The following SLC25A26 variants were observed in gnomAD, a reference collection of about 807,000 sequenced individuals.
SLC25A26 encodes the protein solute carrier family 25 member 26, also known as mitochondrial S-adenosylmethionine carrier protein.
A neutral mutation model predicts 37.8 loss-of-function variants in SLC25A26; 36 were observed. The observed-to-expected ratio is 0.95, with a 90% CI of 0.73 to 1.26. The LOEUF (loss-of-function observed/expected upper bound fraction) is 1.26. SLC25A26 is among the 50% of genes most tolerant of loss of function. SLC25A26 has a pLI of 0.00. For missense variants in SLC25A26, 390 were observed against 331.1 expected, an observed-to-expected ratio of 1.18 and a Z score of -1.38; for synonymous variants, 129 against 122.5, an observed-to-expected ratio of 1.05 and a Z score of -0.35.
chr3:66,251,520 TC>T (rs2073083397), intron 3 of SLC25A26, among the ~76,000 whole-genome samples: 1 of 152,156 alleles, frequency 6.6e-6, no homozygotes, highest in Non-Finnish European at 1.5e-5. Context: ...GCATGCCCCA[TC>T]TTGCCAGTGG....
intron 5 of SLC25A26, among the ~76,000 whole-genome samples, chr3:66,294,860 C>T (rs1162251032): frequency 2.0e-5 from 3 of 152,150 alleles, no homozygotes; most frequent in African/African-American, 7.2e-5. Flanking sequence ...AGTTTGTGGA[C>T]AGTAAAGAAT....
chr3:66,315,583 G>T (rs1311726068), intron 5 of SLC25A26, among the ~76,000 whole-genome samples: 9 of 152,176 alleles, frequency 5.9e-5, no homozygotes, highest in Admixed American at 5.9e-4. Context: ...CGAGAAGAAT[G>T]CATATTCTGT....
intron 2 of SLC25A26, among the ~76,000 whole-genome samples, chr3:66,239,820 T>C (rs370403747): frequency 0.03 from 3,939 of 130,156 alleles, 140 homozygotes; most frequent in African/African-American, 0.096. Context: ...TTCTTTCTTT[T>C]TTTTTTTTTT....
At chr3:66,167,863 A>C (rs1303434054) in intron 1 of SLC25A26, among the ~76,000 whole-genome samples, 1 of 152,072 alleles carries the variant, frequency 6.6e-6, no homozygotes, top group African/African-American at 2.4e-5. Context: ...AAAAATATAT[A>C]GCTACTCTGG....
At position 66,299,813 on chromosome 3, in the gene SLC25A26, G is replaced by A. The variant is rs548788696; in HGVS notation, c.453+36434G>A. ...AACTCCTTGAGAAACTTCCACATGCGGGTAGTTTTTGAAAAAGAAAATATT... is the reference window on the plus strand; with the variant it reads ...AACTCCTTGAGAAACTTCCACATGCAGGTAGTTTTTGAAAAAGAAAATATT... On this transcript the variant is annotated intron_variant, in intron 5 of 9. Transcript: ENST00000354883. 3.3e-5 allele frequency among the ~76,000 whole-genome samples: 5 copies of A among 152,210 alleles called. No individual in the cohort carries two copies. The South Asian group carries it at 1.0e-3, about 32-fold the overall frequency.
chr3:66,148,085 C>T (rs2070146834), intron 1 of SLC25A26, among the ~76,000 whole-genome samples: 2 of 152,116 alleles, frequency 1.3e-5, no homozygotes, highest in South Asian at 2.1e-4. Flanking sequence ...TATGGCCATT[C>T]TTGCAGGACT....
intron 5 of SLC25A26, among the ~76,000 whole-genome samples, chr3:66,280,428 C>G (rs999320223): frequency 6.6e-6 from 1 of 152,160 alleles, no homozygotes; most frequent in African/African-American, 2.4e-5. Flanking sequence ...TAATGTTCAT[C>G]TACCTTGTAA....
chr3:66,192,009 T>C (rs2070951995), intron 1 of SLC25A26, among the ~76,000 whole-genome samples: 1 of 151,782 alleles, frequency 6.6e-6, no homozygotes. Context: ...ATGGGTTTAG[T>C]GCCTTTATAA....
chr3:66,369,490 C>A lies in SLC25A26; in HGVS notation c.581C>A (p.Ala194Asp). The change falls in exon 8 of 10, where the codon GCT becomes GAT. Residue 194 changes from alanine to aspartate, a missense_variant. Physicochemically the swap from Ala to Asp is moderately radical, Grantham distance 126. Transcript: ENST00000354883. ...VCGAFAGGFA[A>D]AVTTPLDVAK... ...ATTATTTGTACAGGTGGATTTGCCG[C>A]TGCAGTCACCACCCCTCTAGACGTG... is the stretch of plus-strand genomic sequence containing the variant. 5 of 1,604,720 alleles carry A rather than the reference C, an allele frequency of 3.1e-6. No individual in the cohort carries two copies. The highest frequency in any genetic ancestry group is 4.3e-6 in the Non-Finnish European group (5 of 1,175,630).
At chr3:66,152,160 A>G (rs916362821) in intron 1 of SLC25A26, among the ~76,000 whole-genome samples, 3 of 152,144 alleles carry the variant, frequency 2.0e-5, no homozygotes. Flanking sequence ...GTCCTCGAAA[A>G]TCTTGTTACA....
chr3:66,333,117 T>C (rs1023590981), intron 5 of SLC25A26, among the ~76,000 whole-genome samples: 1 of 152,214 alleles, frequency 6.6e-6, no homozygotes, highest in Non-Finnish European at 1.5e-5. Flanking sequence ...TAAAAATATT[T>C]TCTTACAGAG....
chr3:66,219,059 T>C (rs1200657056), upstream of SLC25A26, among the ~76,000 whole-genome samples: 15 of 152,326 alleles, frequency 9.8e-5, no homozygotes, highest in East Asian at 2.9e-3. Flanking sequence ...AATAGACAAA[T>C]AATACAGATT....
intron 5 of SLC25A26, among the ~76,000 whole-genome samples, chr3:66,322,135 A>G (rs755417339): frequency 2.6e-5 from 4 of 152,196 alleles, no homozygotes; most frequent in Non-Finnish European, 5.9e-5. Context: ...CTTATAAGGT[A>G]TGAAATGAAC....
chr3:66,311,317 C>T (rs569003302), intron 5 of SLC25A26, among the ~76,000 whole-genome samples: 19 of 152,108 alleles, frequency 1.2e-4, no homozygotes, highest in African/African-American at 3.6e-4. Context: ...ACGAAATTCT[C>T]GTGCTGTGTT....
chr3:66,362,582 A>G (rs1386072915), intron 6 of SLC25A26, among the ~76,000 whole-genome samples: 1 of 152,224 alleles, frequency 6.6e-6, no homozygotes, highest in South Asian at 2.1e-4. Context: ...TCAGTTCACT[A>G]TCTGAATTGT....
At chr3:66,215,296 T>C (rs1478756714) in intron 1 of SLC25A26, among the ~76,000 whole-genome samples, 4 of 152,140 alleles carry the variant, frequency 2.6e-5, no homozygotes, top group Non-Finnish European at 4.4e-5. Flanking sequence ...TGACCTCTTA[T>C]CTCAAATGAT....
intron 1 of SLC25A26, among the ~76,000 whole-genome samples, chr3:66,161,617 G>A (rs2070361210): frequency 6.6e-6 from 1 of 152,274 alleles, no homozygotes; most frequent in Non-Finnish European, 1.5e-5. Context: ...AGGAAAATGC[G>A]ACTCCAAATT....
chr3:66,221,192 G>T (rs1553658231), intron 1 of SLC25A26, 65 bp downstream of exon 1: 12 of 1,450,678 alleles, frequency 8.3e-6, no homozygotes, highest in East Asian at 2.6e-5. Flanking sequence ...GCCCGCGGGC[G>T]TTCTCTGCAC....
chr3:66,232,854 G>A (rs1251226067), intron 1 of SLC25A26, among the ~76,000 whole-genome samples: 2 of 152,204 alleles, frequency 1.3e-5, no homozygotes, highest in Non-Finnish European at 2.9e-5. Context: ...TTATGAAAAT[G>A]ATTAGTACAG....
Sources: gnomAD v4.1 joint callset for allele counts (sites outside exome capture counted in the v4.1 genomes callset) on GRCh38, gnomAD v4.1.1 for gene constraint, MANE v1.5 for transcripts, NCBI Gene and HGNC (gene_info 2026-07-23, HGNC 2026-07-21) for gene names.